ABHD17B: variants seen among roughly 807,000 people sequenced by gnomAD.
ABHD17B encodes abhydrolase domain containing 17B, depalmitoylase.
In ABHD17B, 9 loss-of-function variants were observed where a neutral mutation model predicts 26.2. The observed-to-expected ratio is 0.34, with a 90% CI of 0.21 to 0.60. ABHD17B has a LOEUF of 0.60. Among genes scored for constraint, ABHD17B ranks in the 20% least tolerant of loss-of-function variants. The pLI, the probability that ABHD17B is intolerant of heterozygous loss-of-function variation, is 0.80. For missense variants in ABHD17B, 224 were observed against 352.1 expected, an observed-to-expected ratio of 0.64 and a Z score of 2.91; for synonymous variants, 127 against 122.3, an observed-to-expected ratio of 1.04 and a Z score of -0.25.
At chr9:71,905,343 ATATTTT>A (rs2132213856) in intron 1 of ABHD17B, among the ~76,000 whole-genome samples, 1 of 152,166 alleles carries the variant, frequency 6.6e-6, no homozygotes, top group African/African-American at 2.4e-5. Flanking sequence ...AGGCTGGAAG[ATATTTT>A]TAATGCCTAC....
At position 71,908,261 on chromosome 9, in the gene ABHD17B, G is replaced by A. The variant is rs184276423; in HGVS notation, c.-4+2373C>T. 4.8e-3 allele frequency among the ~76,000 whole-genome samples: 725 copies of A among 151,980 alleles called. 7 individuals carry two copies. The highest frequency in any genetic ancestry group is 6.8e-3 in the Middle Eastern group (2 of 294). Reference sequence around the variant, plus strand: ...CAAAAAATTAGCCGGGAGTGGTGGCGGGTGCCCGTAATCCCAGCTACTCAG... The same window carrying A: ...CAAAAAATTAGCCGGGAGTGGTGGCAGGTGCCCGTAATCCCAGCTACTCAG... On this transcript the variant is annotated intron_variant, in intron 1 of 3. Coordinates refer to ENST00000333421, the MANE Select transcript of ABHD17B (RefSeq NM_001025780.3).
intron 1 of ABHD17B, among the ~76,000 whole-genome samples, chr9:71,905,877 T>C (rs1037444169): frequency 6.6e-6 from 1 of 151,928 alleles, no homozygotes; most frequent in African/African-American, 2.4e-5. Flanking sequence ...AATCCTTGTC[T>C]CTACAAAAAA....
intron 1 of ABHD17B, among the ~76,000 whole-genome samples, chr9:71,903,130 AAAGT>A (rs1827190711): frequency 6.6e-6 from 1 of 152,344 alleles, no homozygotes; most frequent in Admixed American, 6.5e-5. Context: ...ATAATTTTAA[AAAGT>A]ATTTATCTGT....
chr9:71,890,526 T>C (rs939161749), intron 1 of ABHD17B, among the ~76,000 whole-genome samples: 3 of 152,218 alleles, frequency 2.0e-5, no homozygotes, highest in Non-Finnish European at 4.4e-5. Flanking sequence ...TGCAATTTAT[T>C]AAGTTTTTAT....
At chr9:71,886,267 G>C (rs557848134) in intron 1 of ABHD17B, among the ~76,000 whole-genome samples, 1 of 152,176 alleles carries the variant, frequency 6.6e-6, no homozygotes, top group South Asian at 2.1e-4. Flanking sequence ...CACCTTGAAA[G>C]AAGATGAAGC....
At chr9:71,877,436 G>A (rs555739274) in intron 1 of ABHD17B, among the ~76,000 whole-genome samples, 5 of 152,202 alleles carry the variant, frequency 3.3e-5, no homozygotes, top group Middle Eastern at 3.4e-3. Flanking sequence ...GTTGTTTTTC[G>A]AGACGAAGTC....
intron 1 of ABHD17B, among the ~76,000 whole-genome samples, chr9:71,902,181 G>A (rs1055146635): frequency 4.6e-5 from 7 of 152,206 alleles, no homozygotes; most frequent in South Asian, 2.1e-4. Context: ...ACTTCCTTCC[G>A]TAGGGGGCAA....
intron 1 of ABHD17B, among the ~76,000 whole-genome samples, chr9:71,903,530 T>C (rs1366576218): frequency 2.0e-5 from 3 of 152,232 alleles, no homozygotes; most frequent in Non-Finnish European, 4.4e-5. Flanking sequence ...ACATATCCAT[T>C]GCCTTCATCA....
chr9:71,871,036 T>G (rs1381394017), intron 2 of ABHD17B, among the ~76,000 whole-genome samples: 1 of 152,222 alleles, frequency 6.6e-6, no homozygotes, highest in Non-Finnish European at 1.5e-5. Context: ...TTGTCTACAG[T>G]ATAATCATCC....
downstream of ABHD17B, among the ~76,000 whole-genome samples, chr9:71,863,059 T>G (rs892162994): frequency 2.6e-5 from 4 of 151,906 alleles, no homozygotes; most frequent in African/African-American, 9.7e-5. Context: ...ACTGGTAAAT[T>G]TGTGTAAGAA....
intron 1 of ABHD17B, among the ~76,000 whole-genome samples, chr9:71,876,959 T>TTA: frequency 6.6e-6 from 1 of 152,340 alleles, no homozygotes; most frequent in Middle Eastern, 3.4e-3. Context: ...AATAAGTTAA[T>TTA]GGCTTACTCT....
In ABHD17B at chr9:71,875,517, C is replaced by T. The variant is rs1564063150; in HGVS notation, c.-3-434G>A. Among the ~76,000 whole-genome samples the T allele has an allele frequency of 2.0e-5, 3 of 152,144 alleles. No individual in the cohort carries two copies. In the South Asian group the frequency reaches 6.2e-4, roughly 32 times the overall value. On this transcript the variant is annotated intron_variant, in intron 1 of 3. Transcript: ENST00000333421. ...TGGGATTACAAGGAGTAAGCCACCA[C>T]GCCCGGCCTTTGGCTTCTTTCTAGA... is the stretch of plus-strand genomic sequence containing the variant.
intron 1 of ABHD17B, among the ~76,000 whole-genome samples, chr9:71,888,853 C>T (rs967728254): frequency 2.0e-5 from 3 of 151,920 alleles, no homozygotes; most frequent in African/African-American, 7.3e-5. Context: ...TTTTAGGCAA[C>T]TGAAACTGCT....
chr9:71,902,805 A>G (rs951222232), intron 1 of ABHD17B, among the ~76,000 whole-genome samples: 1 of 152,222 alleles, frequency 6.6e-6, no homozygotes, highest in East Asian at 1.9e-4. Flanking sequence ...TGCAGATGAC[A>G]TTTTTGGGAA....
chr9:71,878,133 C>G (rs1280377482), intron 1 of ABHD17B, among the ~76,000 whole-genome samples: 2 of 149,574 alleles, frequency 1.3e-5, no homozygotes, highest in East Asian at 3.9e-4. Flanking sequence ...ACATTTTATT[C>G]TGTAAAAAAA....
At chr9:71,908,579 C>G (rs901003994) in intron 1 of ABHD17B, among the ~76,000 whole-genome samples, 5 of 152,018 alleles carry the variant, frequency 3.3e-5, no homozygotes, top group African/African-American at 1.2e-4. Flanking sequence ...AGTAAATAAA[C>G]CAACCAATAA....
At chr9:71,908,057 T>C (rs989776597) in intron 1 of ABHD17B, among the ~76,000 whole-genome samples, 2 of 152,188 alleles carry the variant, frequency 1.3e-5, no homozygotes, top group Non-Finnish European at 1.5e-5. Context: ...CTTTAGGCAA[T>C]TGAAATAATT....
chr9:71,864,806 T>G (rs1377491790), downstream of ABHD17B, among the ~76,000 whole-genome samples: 1 of 152,176 alleles, frequency 6.6e-6, no homozygotes, highest in Non-Finnish European at 1.5e-5. Flanking sequence ...AGCTATACCA[T>G]GAAATCTATG....
chr9:71,881,979 A>T (rs574468376), intron 1 of ABHD17B, among the ~76,000 whole-genome samples: 1 of 152,280 alleles, frequency 6.6e-6, no homozygotes, highest in East Asian at 1.9e-4. Flanking sequence ...TCTCCAAAAG[A>T]TATACAAATG....
Sources: allele counts gnomAD v4.1 joint callset (sites outside exome capture counted in the v4.1 genomes callset), GRCh38; gene constraint gnomAD v4.1.1; transcripts MANE v1.5; gene names NCBI Gene and HGNC (gene_info 2026-07-23, HGNC 2026-07-21).